CTR9: variants seen among roughly 807,000 people sequenced by gnomAD.
CTR9 encodes the protein RNA polymerase-associated protein CTR9 homolog.
Under a neutral mutation model 152.1 loss-of-function variants are expected in CTR9, and 41 were observed. The ratio of observed to expected loss-of-function variants is 0.27; its 90% CI spans 0.21 to 0.35. The LOEUF is 0.35. Ranked by LOEUF, CTR9 falls within the 10% of genes least tolerant of loss-of-function variation. The pLI is 1.00. For missense variants in CTR9, 917 were observed against 1,424.4 expected, an observed-to-expected ratio of 0.64 and a Z score of 5.73; for synonymous variants, 476 against 496.2, an observed-to-expected ratio of 0.96 and a Z score of 0.54.
intron 22 of CTR9, chr11:10,774,388 C>A (rs368963210): frequency 7.5e-6 from 3 of 399,504 alleles, no homozygotes; most frequent in African/African-American, 6.1e-5. Context: ...CTTCTAAGCG[C>A]TGCAAGTTAG....
rs541610152 is a variant in CTR9, at chr11:10,766,876, GCT to G, written c.1686+387_1686+388del. On this transcript the variant is annotated intron_variant, in intron 13 of 24. Coordinates refer to ENST00000361367, the MANE Select transcript of CTR9 (RefSeq NM_014633.5). ...TCTTAGGATTTTGTATGGAACCATA[GCT>G]ATGGTCATCTAAACGTTTTGAGGGC... 7.5e-3 allele frequency among the ~76,000 whole-genome samples: 1,137 copies of G among 152,258 alleles called. 14 individuals are homozygous for G. Among genetic ancestry groups the G allele is most frequent in the African/African-American group, 0.026 (1,085 of 41,560 alleles).
At chr11:10,776,742 G>A (rs1368438279) in intron 24 of CTR9, among the ~76,000 whole-genome samples, 3 of 152,102 alleles carry the variant, frequency 2.0e-5, no homozygotes, top group African/African-American at 4.8e-5. Flanking sequence ...AGAGGCCAAC[G>A]TGGGCGGATC....
In CTR9 at chr11:10,770,681, A is replaced by T. The variant is rs754924630; in HGVS notation, c.2372+49A>T. 4.5e-6 allele frequency: 7 copies of T among 1,545,698 alleles called. No homozygotes were observed. In the Admixed American group the frequency reaches 9.4e-5, roughly 21 times the overall value. On this transcript the variant is annotated intron_variant, in intron 18 of 24. Coordinates refer to ENST00000361367, the MANE Select transcript of CTR9 (RefSeq NM_014633.5). ...TATGAAATGCTTTATTTGGTCTATG[A>T]CCATACCATCTTGAACTCTCCCGAT...
rs140801316 is a variant in CTR9, at chr11:10,778,793, C to G, written c.3210C>G (p.Ala1070=). The change falls in exon 25 of 25, where the codon GCC becomes GCG. Residue 1070 remains alanine, a synonymous_variant. Coordinates refer to ENST00000361367, the MANE Select transcript of CTR9 (RefSeq NM_014633.5). ...DENQNKSGSE[A]GSPRRPRRQR... is the part of the protein sequence containing the mutation. ...ACCAGAACAAGTCTGGCAGCGAGGC[C>G]GGCAGTCCCCGGAGGCCACGAAGAC... The G allele has an allele frequency of 1.2e-6, 2 of 1,614,172 alleles. No homozygotes were observed. The highest frequency in any genetic ancestry group is 4.5e-5 in the East Asian group (2 of 44,878).
Position 10,763,659 on chromosome 11 carries a change from C to A in CTR9, c.974C>A (p.Ala325Asp). 1 of 1,603,654 alleles carries A rather than the reference C, an allele frequency of 6.2e-7. No individual in the cohort carries two copies. Among genetic ancestry groups the A allele is most frequent in the Non-Finnish European group, 8.5e-7 (1 of 1,177,422 alleles). ...SFHVQEDYDQAFQYYYQATQF... is the reference protein window; with the variant it reads ...SFHVQEDYDQDFQYYYQATQF... ...ATTCTTTAGGAAGATTATGACCAAGCTTTTCAGTACTATTATCAAGCCACA... is the reference window on the plus strand; with the variant it reads ...ATTCTTTAGGAAGATTATGACCAAGATTTTCAGTACTATTATCAAGCCACA... The change falls in exon 9 of 25, where the codon GCT becomes GAT. Residue 325 changes from alanine to aspartate, a missense_variant. Around this residue, in one of 9 missense-constraint regions of CTR9, gnomAD observed 133 missense variants for 244.1 expected, o/e 0.54. Transcript: ENST00000361367.
intron 20 of CTR9, 44 bp from the exon 21 acceptor site, chr11:10,773,083 G>A: frequency 6.4e-7 from 1 of 1,571,886 alleles, no homozygotes; most frequent in Non-Finnish European, 8.6e-7. Flanking sequence ...TTCATCATAA[G>A]AAAATTTGCA....
chr11:10,768,530 C>A, intron 16 of CTR9, 39 bp downstream of exon 16: 1 of 1,559,174 alleles, frequency 6.4e-7, no homozygotes, highest in South Asian at 1.2e-5. Context: ...ATATCTTGTT[C>A]ATTGTTAAGC....
In CTR9 at chr11:10,768,614, G is replaced by A. The variant is rs1043295480; in HGVS notation, c.2109+123G>A. On this transcript the variant is annotated intron_variant, in intron 16 of 24. Transcript: ENST00000361367. ...TCTTGTGATACTGTGTCTATTTAGAGATTTATAATTATATAATGCTAAGGC... is the reference window on the plus strand; with the variant it reads ...TCTTGTGATACTGTGTCTATTTAGAAATTTATAATTATATAATGCTAAGGC... 3 of 999,300 alleles carry A rather than the reference G, an allele frequency of 3.0e-6. No homozygotes were observed. In the Admixed American group the frequency reaches 1.0e-4, roughly 35 times the overall value. The allele number at this position is 999,300 out of a possible 1,614,324, so 61.9% of individuals were successfully genotyped here. A position where few individuals can be genotyped will look rare whatever the true frequency, so the allele number is the denominator to read the frequency against.
intron 21 of CTR9, among the ~76,000 whole-genome samples, chr11:10,773,740 C>T (rs375604508): frequency 6.6e-6 from 1 of 152,006 alleles, no homozygotes; most frequent in Non-Finnish European, 1.5e-5. Context: ...CAGAAATTAG[C>T]CAGGTGTAGT....
rs1234154479 is a variant in CTR9, at chr11:10,771,548, C to G, written c.2376C>G (p.Tyr792Ter). Residue 792 changes from tyrosine to a stop codon, truncating the protein, a stop_gained, in exon 19 of 25, where the codon TAC (tyrosine) becomes TAG (stop). Transcript: ENST00000361367. LOFTEE classifies it high-confidence loss of function. ...AGTATTTTCTCGTTTCATTTAGATA[C>G]TTCAGTTATTTGAGTAAAGTGGGAG... ...AVKELELAHR[Y>*]FSYLSKVGDK... The G allele has an allele frequency of 6.3e-7, 1 of 1,599,644 alleles. No individual in the cohort carries two copies. Among genetic ancestry groups the G allele is most frequent in the Admixed American group, 1.7e-5 (1 of 59,884 alleles).
Position 10,752,652 on chromosome 11 carries a change from A to ATAG in CTR9, c.46-20_46-19insTAG. 1 of 1,559,000 alleles carries ATAG rather than the reference A, an allele frequency of 6.4e-7. No individual in the cohort carries two copies. The highest frequency in any genetic ancestry group is 8.8e-7 in the Non-Finnish European group (1 of 1,130,662). On this transcript the variant is annotated intron_variant, in intron 1 of 24. Transcript: ENST00000361367. The stretch of plus-strand genomic sequence containing the variant: ...ATTTTAAAGTGGAATAAGAGTTAAG[A>ATAG]CCTACCTTTTGTATTTTAGGTCATT...
chr11:10,766,854 T>C (rs1782433559), intron 13 of CTR9, among the ~76,000 whole-genome samples: 1 of 152,190 alleles, frequency 6.6e-6, no homozygotes, highest in Admixed American at 6.5e-5. Context: ...CATAGTATCT[T>C]AGGATTTTGT....
At chr11:10,777,900 G>C (rs1425839357) in intron 24 of CTR9, among the ~76,000 whole-genome samples, 1 of 152,194 alleles carries the variant, frequency 6.6e-6, no homozygotes, top group Non-Finnish European at 1.5e-5. Context: ...TGCCAGAGAA[G>C]TGTGCCTGCT....
Position 10,751,445 on chromosome 11 carries a change from G to T in CTR9, c.33G>T (p.Arg11=). 6.2e-7 allele frequency: 1 copy of T among 1,613,722 alleles called. No homozygotes were observed. The highest frequency in any genetic ancestry group is 8.5e-7 in the Non-Finnish European group (1 of 1,179,994). MSRGSIEIPL[R]DTDEVIELDF... is the part of the protein sequence containing the mutation. The stretch of plus-strand genomic sequence containing the variant: ...GGGGCTCCATCGAGATTCCCCTCCG[G>T]GACACTGACGAGGTAAGTGTCGTGT... Residue 11 remains arginine, a synonymous_variant, in exon 1 of 25, where the codon CGG becomes CGT. Coordinates refer to ENST00000361367, the MANE Select transcript of CTR9 (RefSeq NM_014633.5).
intron 2 of CTR9, among the ~76,000 whole-genome samples, chr11:10,753,838 A>T (rs1023648426): frequency 6.6e-6 from 1 of 152,136 alleles, no homozygotes; most frequent in Non-Finnish European, 1.5e-5. Context: ...AAAAGAATGT[A>T]GGCTTTGGGG....
At chr11:10,773,370 G>GTTTTGACT (rs1863175186) in intron 21 of CTR9, 97 bp downstream of exon 21, 2 of 1,419,664 alleles carry the variant, frequency 1.4e-6, no homozygotes, top group Admixed American at 2.3e-5. Flanking sequence ...GTACTTACTA[G>GTTTTGACT]TTTTGACTTC....
In CTR9 at chr11:10,772,564, G is replaced by A. The variant is rs1031469334; in HGVS notation, c.2489G>A (p.Arg830Gln). Residue 830 changes from arginine (R) to glutamine (Q), a missense_variant, in exon 20 of 25, where the codon CGG becomes CAG. Around this residue, in one of 9 missense-constraint regions of CTR9, gnomAD observed 106 missense variants for 157.8 expected, o/e 0.67. Coordinates refer to ENST00000361367, the MANE Select transcript of CTR9 (RefSeq NM_014633.5). ...LLSQAQYHVA[R>Q]ARKQDEEERE... ...AGCCAGGCCCAGTACCATGTGGCCCGGGCACGCAAACAAGATGAAGAAGAG... is the reference window on the plus strand; with the variant it reads ...AGCCAGGCCCAGTACCATGTGGCCCAGGCACGCAAACAAGATGAAGAAGAG... The A allele has an allele frequency of 1.9e-6, 3 of 1,610,310 alleles. No homozygotes were observed. Among genetic ancestry groups the A allele is most frequent in the East Asian group, 2.2e-5 (1 of 44,638 alleles).
chr11:10,778,407 TG>T, intron 24 of CTR9, among the ~76,000 whole-genome samples: 1 of 152,354 alleles, frequency 6.6e-6, no homozygotes, highest in South Asian at 2.1e-4. Flanking sequence ...TGATGAAAAG[TG>T]TCCAGTGAGT....
At chr11:10,753,120 T>C (rs1436043471) in intron 2 of CTR9, among the ~76,000 whole-genome samples, 1 of 152,224 alleles carries the variant, frequency 6.6e-6, no homozygotes, top group African/African-American at 2.4e-5. Context: ...TAACATTGTT[T>C]CCTATAACAA....
Sources: allele counts gnomAD v4.1 joint callset (sites outside exome capture counted in the v4.1 genomes callset), GRCh38; gene constraint gnomAD v4.1.1; regional missense constraint gnomAD v4.1.1; transcripts MANE v1.5; gene names NCBI Gene and HGNC (gene_info 2026-07-23, HGNC 2026-07-21).